The following PARD3 variants were observed in gnomAD, a reference collection of about 807,000 sequenced individuals.
PARD3 encodes the protein par-3 family cell polarity regulator, also known as partitioning defective 3 homolog.
Under a neutral mutation model 155.4 loss-of-function variants are expected in PARD3, and 75 were observed. The ratio of observed to expected loss-of-function variants is 0.48; its 90% CI spans 0.40 to 0.58. The LOEUF (loss-of-function observed/expected upper bound fraction) is 0.58. Ranked by LOEUF, PARD3 falls within the 20% of genes least tolerant of loss-of-function variation. PARD3 has a pLI of 0.00. For missense variants in PARD3, 1,642 were observed against 1,721.7 expected, an observed-to-expected ratio of 0.95 and a Z score of 0.82; for synonymous variants, 576 against 610.5, an observed-to-expected ratio of 0.94 and a Z score of 0.83.
chr10:34,199,415 G>A (rs549323947), intron 22 of PARD3, among the ~76,000 whole-genome samples: 3 of 152,144 alleles, frequency 2.0e-5, no homozygotes, highest in Non-Finnish European at 4.4e-5. Flanking sequence ...TCTCACACGT[G>A]GAGCTGGTGT....
intron 22 of PARD3, among the ~76,000 whole-genome samples, chr10:34,190,921 T>C (rs1264677691): frequency 3.9e-5 from 6 of 151,982 alleles, no homozygotes; most frequent in Non-Finnish European, 8.8e-5. Context: ...GGTCCTGTAG[T>C]TCAACTAGGC....
rs57175956 is a variant in PARD3 at position 34,231,266 on chromosome 10, C to CAAAAAAAA, written c.3419+38383_3419+38390dup. Among the ~76,000 whole-genome samples, 9 of 81,836 alleles carry CAAAAAAAA rather than the reference C, an allele frequency of 1.1e-4. 1 individual carries two copies. Among genetic ancestry groups the CAAAAAAAA allele is most frequent in the Non-Finnish European group, 1.3e-4 (6 of 44,494 alleles). 53.7% of individuals were successfully genotyped at this position (81,836 alleles called of 152,430 possible). A position where few individuals can be genotyped will look rare whatever the true frequency, so the allele number is the denominator to read the frequency against. ...CTAGTGTTATTAATATAATCTTAGGCAAAAAAAAAAAAAAAAAAAAAAGAA... is the reference window on the plus strand; with the variant it reads ...CTAGTGTTATTAATATAATCTTAGGCAAAAAAAAAAAAAAAAAAAAAAAAAAAAAAGAA... On this transcript the variant is annotated intron_variant, in intron 22 of 24. Transcript: ENST00000374788.
At position 34,477,276 on chromosome 10, in the gene PARD3, A is replaced by T. The variant is rs2133154870; in HGVS notation, c.404-7013T>A. Among the ~76,000 whole-genome samples, 4 of 152,352 alleles carry T rather than the reference A, an allele frequency of 2.6e-5. 1 individual carries two copies. The highest frequency in any genetic ancestry group is 2.6e-4 in the Admixed American group (4 of 15,308). ...ATATGATAAAACTTTCTAATCCCATAATCTTCTGATTTATTTAATATATAG... is the reference window on the plus strand; with the variant it reads ...ATATGATAAAACTTTCTAATCCCATTATCTTCTGATTTATTTAATATATAG... On this transcript the variant is annotated intron_variant, in intron 3 of 24. Coordinates refer to ENST00000374788, the MANE Select transcript of PARD3 (RefSeq NM_001184785.2).
chr10:34,641,539 A>G (rs1433610286), intron 2 of PARD3, among the ~76,000 whole-genome samples: 2 of 152,190 alleles, frequency 1.3e-5, no homozygotes, highest in African/African-American at 2.4e-5. Flanking sequence ...GAAAAATCTC[A>G]GGGCCTGGAG....
chr10:34,319,297 CA>C (rs765232665), intron 19 of PARD3, among the ~76,000 whole-genome samples: 11 of 151,298 alleles, frequency 7.3e-5, no homozygotes, highest in African/African-American at 2.2e-4. Context: ...CCATGTTGGC[CA>C]GGATGGTCTC....
intron 2 of PARD3, among the ~76,000 whole-genome samples, chr10:34,620,728 C>A (rs1297495129): frequency 2.0e-5 from 3 of 152,158 alleles, no homozygotes; most frequent in African/African-American, 7.2e-5. Context: ...GATTCAAAAG[C>A]TTGAAAAAGA....
chr10:34,199,008 T>C (rs1452071996), intron 22 of PARD3, among the ~76,000 whole-genome samples: 1 of 152,096 alleles, frequency 6.6e-6, no homozygotes, highest in Non-Finnish European at 1.5e-5. Context: ...CCCTAGATGA[T>C]CCAAGCATGC....
chr10:34,434,550 C>G (rs143257073), intron 5 of PARD3, among the ~76,000 whole-genome samples: 5 of 152,270 alleles, frequency 3.3e-5, no homozygotes, highest in Non-Finnish European at 4.4e-5. Context: ...TGGGTATGGT[C>G]AGAGCCCCAG....
chr10:34,621,595 G>A (rs947725593), intron 2 of PARD3, among the ~76,000 whole-genome samples: 1 of 152,088 alleles, frequency 6.6e-6, no homozygotes, highest in Admixed American at 6.6e-5. Context: ...AAACCCCACA[G>A]TTTACTGCAC....
chr10:34,664,101 T>C (rs2093392997), intron 2 of PARD3: 1 of 152,286 alleles, frequency 6.6e-6, no homozygotes, highest in South Asian at 2.1e-4. Flanking sequence ...CCCTTCCTCA[T>C]CTCGCTTCTG....
intron 5 of PARD3, among the ~76,000 whole-genome samples, chr10:34,405,592 G>T (rs1844380531): frequency 6.6e-6 from 1 of 152,140 alleles, no homozygotes; most frequent in African/African-American, 2.4e-5. Context: ...TGGGGTGGTG[G>T]TTGAAGACAT....
chr10:34,542,358 G>A (rs1440423296), intron 2 of PARD3, among the ~76,000 whole-genome samples: 1 of 152,136 alleles, frequency 6.6e-6, no homozygotes, highest in Non-Finnish European at 1.5e-5. Context: ...GGCAGTGTGT[G>A]AGACATATTT....
chr10:34,481,408 G>T (rs780979063), intron 3 of PARD3, among the ~76,000 whole-genome samples: 1 of 152,126 alleles, frequency 6.6e-6, no homozygotes, highest in Non-Finnish European at 1.5e-5. Context: ...CGAGAGTGAA[G>T]GACCTGGCCT....
chr10:34,697,481 G>A (rs964235319), intron 1 of PARD3, among the ~76,000 whole-genome samples: 1 of 152,086 alleles, frequency 6.6e-6, no homozygotes, highest in African/African-American at 2.4e-5. Flanking sequence ...CTGGAGCAGG[G>A]GTGCGGGGAG....
intron 22 of PARD3, among the ~76,000 whole-genome samples, chr10:34,247,853 A>G (rs1221945895): frequency 6.6e-6 from 1 of 152,168 alleles, no homozygotes; most frequent in Non-Finnish European, 1.5e-5. Flanking sequence ...TTAAACCTTA[A>G]CTGTTTAAGA....
intron 2 of PARD3, among the ~76,000 whole-genome samples, chr10:34,654,428 C>A (rs866224610): frequency 1.3e-5 from 2 of 152,216 alleles, no homozygotes; most frequent in Non-Finnish European, 2.9e-5. Flanking sequence ...GAACTTCGAA[C>A]TCAAGCCAAC....
At chr10:34,535,240 A>C (rs933076014) in intron 2 of PARD3, among the ~76,000 whole-genome samples, 1 of 152,222 alleles carries the variant, frequency 6.6e-6, no homozygotes, top group Non-Finnish European at 1.5e-5. Context: ...AATGGAAAGA[A>C]GAAATTCTTC....
At chr10:34,512,796 C>G (rs988668790) in intron 3 of PARD3, among the ~76,000 whole-genome samples, 2 of 152,024 alleles carry the variant, frequency 1.3e-5, no homozygotes, top group African/African-American at 4.8e-5. Flanking sequence ...ACTTTTTCTT[C>G]TATACTAAGA....
chr10:34,375,045 A>G, intron 10 of PARD3, 43 bp from the exon 11 acceptor site: 1 of 1,402,246 alleles, frequency 7.1e-7, no homozygotes, highest in Non-Finnish European at 9.8e-7. Flanking sequence ...CTGTGGAAAC[A>G]ACAGGAAAAC....
Sources: gnomAD v4.1 joint callset for allele counts (sites outside exome capture counted in the v4.1 genomes callset) on GRCh38, gnomAD v4.1.1 for gene constraint, MANE v1.5 for transcripts, NCBI Gene and HGNC (gene_info 2026-07-23, HGNC 2026-07-21) for gene names.